The following PTPRK variants were observed in gnomAD, a reference collection of about 807,000 sequenced individuals.
PTPRK encodes the protein protein tyrosine phosphatase receptor type K.
A neutral mutation model predicts 178.0 loss-of-function variants in PTPRK; 75 were observed. That is an observed-to-expected ratio of 0.42 (90% confidence interval 0.35 to 0.51). PTPRK has a LOEUF of 0.51. Ranked by LOEUF, PTPRK falls within the 20% of genes least tolerant of loss-of-function variation. PTPRK has a pLI of 0.02. For synonymous variants in PTPRK, 637 were observed against 620.6 expected, an observed-to-expected ratio of 1.03 and a Z score of -0.39; for missense variants, 1,441 against 1,797.8, an observed-to-expected ratio of 0.80 and a Z score of 3.59.
At chr6:128,516,461 A>G (rs1254664902) in intron 1 of PTPRK, among the ~76,000 whole-genome samples, 1 of 152,190 alleles carries the variant, frequency 6.6e-6, no homozygotes, top group Non-Finnish European at 1.5e-5. Flanking sequence ...GTGGAGTTTT[A>G]ATGAATTGAG....
At chr6:128,172,625 AGT>A (rs973902377) in intron 7 of PTPRK, among the ~76,000 whole-genome samples, 12 of 151,480 alleles carry the variant, frequency 7.9e-5, no homozygotes, top group African/African-American at 2.4e-4. Context: ...ATATATATAT[AGT>A]GTGTGTGTAT....
At chr6:128,420,525 C>T (rs573973264) in intron 1 of PTPRK, among the ~76,000 whole-genome samples, 3 of 152,192 alleles carry the variant, frequency 2.0e-5, no homozygotes, top group Admixed American at 1.3e-4. Context: ...TTGCCATTGC[C>T]CTCAGAATGC....
chr6:128,450,119 CAAAA>C (rs546499574), intron 1 of PTPRK, among the ~76,000 whole-genome samples: 1 of 90,612 alleles, frequency 1.1e-5, no homozygotes. Context: ...CGCATCTCAA[CAAAA>C]AAAAAAAAAG....
intron 3 of PTPRK, among the ~76,000 whole-genome samples, chr6:128,309,089 A>G (rs1826867424): frequency 1.3e-5 from 2 of 152,316 alleles, no homozygotes; most frequent in South Asian, 4.1e-4. Flanking sequence ...TAGGTTATCA[A>G]TTACAACCCT....
chr6:128,076,140 A>C (rs189342941), intron 11 of PTPRK, among the ~76,000 whole-genome samples: 60 of 152,136 alleles, frequency 3.9e-4, no homozygotes, highest in African/African-American at 1.4e-3. Flanking sequence ...CTTCAAGTAC[A>C]TTTGAAGTGA....
chr6:128,060,495 C>A (rs879335765), intron 13 of PTPRK, among the ~76,000 whole-genome samples: 1 of 152,080 alleles, frequency 6.6e-6, no homozygotes. Context: ...ACTCTGTGCT[C>A]TAATATATCA....
At chr6:128,168,924 G>A (rs1387818406) in intron 7 of PTPRK, among the ~76,000 whole-genome samples, 1 of 152,110 alleles carries the variant, frequency 6.6e-6, no homozygotes, top group Non-Finnish European at 1.5e-5. Context: ...CCTGACATTT[G>A]TGACATCGTG....
At chr6:127,982,763 G>A in intron 24 of PTPRK, 68 bp downstream of exon 24, 1 of 1,423,924 alleles carries the variant, frequency 7.0e-7, no homozygotes. Context: ...GACCTTCCTT[G>A]AAAGGATTCC....
At chr6:128,512,006 T>G (rs921754235) in intron 1 of PTPRK, among the ~76,000 whole-genome samples, 10 of 152,136 alleles carry the variant, frequency 6.6e-5, no homozygotes, top group Non-Finnish European at 1.5e-4. Flanking sequence ...TATAAGAAAA[T>G]AAATGAACCT....
chr6:128,278,120 G>GT (rs983035168), intron 3 of PTPRK, among the ~76,000 whole-genome samples: 3 of 146,362 alleles, frequency 2.0e-5, no homozygotes, highest in East Asian at 4.0e-4. Context: ...GTGTTTTTGT[G>GT]TTTTTTATTT....
chr6:128,352,886 T>C (rs1833384746), intron 2 of PTPRK, among the ~76,000 whole-genome samples: 3 of 152,232 alleles, frequency 2.0e-5, no homozygotes, highest in Admixed American at 1.3e-4. Flanking sequence ...TAAAATAGTT[T>C]GTTCAATGTC....
At chr6:128,233,884 T>C (rs1196515924) in intron 5 of PTPRK, among the ~76,000 whole-genome samples, 1 of 152,212 alleles carries the variant, frequency 6.6e-6, no homozygotes, top group African/African-American at 2.4e-5. Flanking sequence ...CTGTTGAATT[T>C]CTCTGCCCAA....
Position 128,259,252 on chromosome 6 carries a change from T to C in PTPRK, c.496-16650A>G, listed in dbSNP as rs1008986832. Among the ~76,000 whole-genome samples, 11 of 152,142 alleles carry C rather than the reference T, an allele frequency of 7.2e-5. 1 individual carries two copies. The highest frequency in any genetic ancestry group is 6.5e-4 in the Admixed American group (10 of 15,272). On this transcript the variant is annotated intron_variant, in intron 3 of 29. Coordinates refer to ENST00000368226, the MANE Select transcript of PTPRK (RefSeq NM_002844.4). Reference sequence around the variant, plus strand: ...CACCCTATAGGCTAGGTTATCACACTACAAATTTTTCAACACCTGCAATAC... The same window carrying C: ...CACCCTATAGGCTAGGTTATCACACCACAAATTTTTCAACACCTGCAATAC...
chr6:128,197,446 T>C (rs921071098), intron 6 of PTPRK, among the ~76,000 whole-genome samples: 4 of 152,146 alleles, frequency 2.6e-5, no homozygotes, highest in African/African-American at 9.7e-5. Flanking sequence ...ATCATTACTA[T>C]ACAGCATAAT....
chr6:128,021,362 C>G (rs988321054), intron 13 of PTPRK, among the ~76,000 whole-genome samples: 1 of 152,148 alleles, frequency 6.6e-6, no homozygotes, highest in Non-Finnish European at 1.5e-5. Flanking sequence ...TTCAGCCGGG[C>G]GCAGTGGCTC....
chr6:128,055,781 T>G (rs1364601968), intron 13 of PTPRK, among the ~76,000 whole-genome samples: 1 of 151,932 alleles, frequency 6.6e-6, no homozygotes, highest in Admixed American at 6.6e-5. Context: ...AAAAGTTATT[T>G]TGTAGAGATT....
At chr6:128,309,556 C>T (rs1826929499) in intron 3 of PTPRK, among the ~76,000 whole-genome samples, 1 of 152,110 alleles carries the variant, frequency 6.6e-6, no homozygotes, top group African/African-American at 2.4e-5. Context: ...GCTTGCTGAC[C>T]TCCCCACACT....
intron 7 of PTPRK, among the ~76,000 whole-genome samples, chr6:128,159,509 A>C (rs566150742): frequency 4.6e-5 from 7 of 151,944 alleles, no homozygotes; most frequent in African/African-American, 1.4e-4. Context: ...TTTCCTACTC[A>C]CGGGTTGTAA....
chr6:128,425,375 C>T (rs868132726), intron 1 of PTPRK, among the ~76,000 whole-genome samples: 6 of 151,914 alleles, frequency 3.9e-5, no homozygotes, highest in African/African-American at 1.5e-4. Context: ...GTGTGCCTGG[C>T]CCCAATGTGT....
Sources: allele counts gnomAD v4.1 joint callset (sites outside exome capture counted in the v4.1 genomes callset), GRCh38; gene constraint gnomAD v4.1.1; transcripts MANE v1.5; gene names NCBI Gene and HGNC (gene_info 2026-07-23, HGNC 2026-07-21).